The following BAZ2B variants were observed in gnomAD, a reference collection of about 807,000 sequenced individuals.
The protein encoded by BAZ2B is bromodomain adjacent to zinc finger domain 2B, also known as bromodomain adjacent to zinc finger domain protein 2B.
A neutral mutation model predicts 246.0 loss-of-function variants in BAZ2B; 91 were observed. The observed-to-expected ratio is 0.37, with a 90% CI of 0.31 to 0.44. The LOEUF (loss-of-function observed/expected upper bound fraction) is 0.44, where lower values mean the gene tolerates loss of function less well. Among genes scored for constraint, BAZ2B ranks in the 20% least tolerant of loss-of-function variants. The pLI, the probability that BAZ2B is intolerant of heterozygous loss-of-function variation, is 1.00. For missense variants in BAZ2B, 2,332 were observed against 2,533.7 expected (o/e 0.92, Z 1.71); for synonymous variants, 855 against 860.0 (o/e 0.99, Z 0.10).
chr2:159,588,806 C>T (rs1239883004), intron 1 of BAZ2B, among the ~76,000 whole-genome samples: 2 of 152,028 alleles, frequency 1.3e-5, no homozygotes, highest in South Asian at 2.1e-4. Flanking sequence ...AGAGAATGCT[C>T]GCCATGCATC....
chr2:159,468,174 T>C (rs1309822063), intron 3 of BAZ2B, among the ~76,000 whole-genome samples: 2 of 152,202 alleles, frequency 1.3e-5, no homozygotes, highest in Non-Finnish European at 2.9e-5. Context: ...ATAGCAGATC[T>C]GCTGGGTTTG....
chr2:159,682,919 C>A, the BAZ2B span, among the ~76,000 whole-genome samples: 1 of 131,660 alleles, frequency 7.6e-6, no homozygotes, highest in East Asian at 2.3e-4. Flanking sequence ...TCCCCCCCCC[C>A]ACACACACCT....
chr2:159,468,832 C>T (rs144368995), intron 3 of BAZ2B, among the ~76,000 whole-genome samples: 2,775 of 152,142 alleles, frequency 0.018, 36 homozygotes, highest in South Asian at 0.059. Flanking sequence ...TTCACAAGTT[C>T]AGGAGTTCAA....
chr2:159,395,754 G>A lies in BAZ2B; in HGVS notation c.3075+15C>T. The A allele has an allele frequency of 6.3e-7, 1 of 1,589,962 alleles. No individual in the cohort carries two copies. On this transcript the variant is annotated intron_variant, in intron 20 of 36. Transcript: ENST00000392783. The stretch of plus-strand genomic sequence containing the variant: ...TACTTTATAAGGTAATATTTTTCTA[G>A]AAACATACACTTACTTCTGCTTTTT...
intron 31 of BAZ2B, among the ~76,000 whole-genome samples, chr2:159,341,932 A>G (rs1428146545): frequency 2.0e-5 from 3 of 152,334 alleles, no homozygotes; most frequent in South Asian, 2.1e-4. Context: ...TATTTCAAGT[A>G]AACAATCTAG....
At chr2:159,579,386 A>T (rs911599462) in intron 1 of BAZ2B, among the ~76,000 whole-genome samples, 2 of 152,242 alleles carry the variant, frequency 1.3e-5, no homozygotes, top group African/African-American at 4.8e-5. Flanking sequence ...AAGAAGTTGA[A>T]TCCCTGAATA....
Position 159,570,997 on chromosome 2 carries a change from G to A in BAZ2B, c.-45-15132C>T, listed in dbSNP as rs150682531. ...GACTCCCAAGTAGCTGGGGTTACAG[G>A]TGCCTGCCACCATGCCTGGCTAATT... On this transcript the variant is annotated intron_variant, in intron 1 of 36. Transcript: ENST00000392783. 2.9e-3 allele frequency among the ~76,000 whole-genome samples: 436 copies of A among 152,198 alleles called. 2 individuals are homozygous for A. Among genetic ancestry groups the A allele is most frequent in the African/African-American group, 9.9e-3 (413 of 41,530 alleles).
chr2:159,404,795 A>C (rs1271037052), intron 16 of BAZ2B, 54 bp downstream of exon 16: 2 of 1,448,486 alleles, frequency 1.4e-6, no homozygotes, highest in African/African-American at 2.8e-5. Flanking sequence ...ATTACTAACA[A>C]ATCCTCAAAA....
At chr2:159,447,998 G>A (rs1224684499) in intron 5 of BAZ2B, among the ~76,000 whole-genome samples, 1 of 151,874 alleles carries the variant, frequency 6.6e-6, no homozygotes, top group African/African-American at 2.4e-5. Context: ...GGGCATAGTG[G>A]TACATGACTG....
intron 2 of BAZ2B, among the ~76,000 whole-genome samples, chr2:159,508,090 C>T (rs1386884706): frequency 6.6e-6 from 1 of 152,036 alleles, no homozygotes; most frequent in Non-Finnish European, 1.5e-5. Flanking sequence ...AGGCTGGTCT[C>T]GAACTCCTGG....
At chr2:159,539,603 G>A (rs2086412926) in intron 2 of BAZ2B, among the ~76,000 whole-genome samples, 1 of 152,202 alleles carries the variant, frequency 6.6e-6, no homozygotes, top group Non-Finnish European at 1.5e-5. Context: ...TAGCCATGGT[G>A]GCTCATGCCT....
chr2:159,424,385 T>A (rs972935634), intron 13 of BAZ2B, among the ~76,000 whole-genome samples: 1 of 152,230 alleles, frequency 6.6e-6, no homozygotes, highest in Non-Finnish European at 1.5e-5. Context: ...TAAATTATAC[T>A]ACTGGAAGGA....
intron 17 of BAZ2B, among the ~76,000 whole-genome samples, chr2:159,400,273 A>G (rs1457602546): frequency 1.3e-5 from 2 of 152,242 alleles, no homozygotes; most frequent in African/African-American, 4.8e-5. Context: ...CTAAAAGTAA[A>G]TATCAGACTA....
chr2:159,377,082 G>A (rs371459886), intron 25 of BAZ2B, among the ~76,000 whole-genome samples: 15 of 152,254 alleles, frequency 9.9e-5, no homozygotes, highest in African/African-American at 2.9e-4. Flanking sequence ...GAGGAGAAGA[G>A]GGAATTCTCT....
At position 159,432,829 on chromosome 2, in the gene BAZ2B, C is replaced by G. The variant is rs768551833; in HGVS notation, c.1828G>C (p.Asp610His). Reference sequence around the variant, plus strand: ...TCTTCTTCATCATCTTCCTCTTCATCCTCATTTGAATCTTCAGAATCTTTA... The same window carrying G: ...TCTTCTTCATCATCTTCCTCTTCATGCTCATTTGAATCTTCAGAATCTTTA... ...SSKDSEDSNE[D>H]EEEDDEEEDE... Residue 610 changes from aspartate (D) to histidine (H), a missense_variant, in exon 9 of 37, where the codon GAT (aspartate) becomes CAT (histidine). Around this residue, in one of 9 missense-constraint regions of BAZ2B, gnomAD observed 651 missense variants for 650.9 expected, o/e 1.00. Coordinates refer to ENST00000392783, the MANE Select transcript of BAZ2B (RefSeq NM_013450.4). 2 of 1,614,092 alleles carry G rather than the reference C, an allele frequency of 1.2e-6. No homozygotes were observed. Among genetic ancestry groups the G allele is most frequent in the Admixed American group, 1.7e-5 (1 of 60,014 alleles).
Position 159,349,830 on chromosome 2 carries a change from C to T in BAZ2B, c.4741G>A (p.Ala1581Thr). The change falls in exon 28 of 37, where the codon GCT (alanine) becomes ACT (threonine). Residue 1581 changes from alanine to threonine, a missense_variant. Transcript: ENST00000392783. The stretch of plus-strand genomic sequence containing the variant: ...TGAGACTGAGGAGTCACCAAAGAAG[C>T]AGTTGACATATCGGCATGAGTAAGT... ...TSLTHADMST[A>T]SLVTPQSQPP... 2 of 1,614,126 alleles carry T rather than the reference C, an allele frequency of 1.2e-6. No individual in the cohort carries two copies. The highest frequency in any genetic ancestry group is 1.1e-5 in the South Asian group (1 of 91,078).
intron 31 of BAZ2B, among the ~76,000 whole-genome samples, chr2:159,344,474 C>T (rs991636744): frequency 6.1e-5 from 9 of 148,490 alleles, no homozygotes; most frequent in Non-Finnish European, 1.0e-4. Flanking sequence ...GTGGAGGCTG[C>T]GGTGAGCTGA....
chr2:159,552,339 TGTAA>T (rs1382771454), intron 2 of BAZ2B, among the ~76,000 whole-genome samples: 1 of 152,164 alleles, frequency 6.6e-6, no homozygotes, highest in African/African-American at 2.4e-5. Flanking sequence ...GGCCACAATT[TGTAA>T]GTAAGGTAAA....
intron 2 of BAZ2B, among the ~76,000 whole-genome samples, chr2:159,511,237 C>T (rs537245555): frequency 6.6e-6 from 1 of 152,130 alleles, no homozygotes; most frequent in Admixed American, 6.5e-5. Flanking sequence ...GAGTTTTGCT[C>T]TTGTCACCCA....
Sources: gnomAD v4.1 joint callset for allele counts (sites outside exome capture counted in the v4.1 genomes callset) on GRCh38, gnomAD v4.1.1 for gene constraint, gnomAD v4.1.1 regional missense constraint, MANE v1.5 for transcripts, NCBI Gene and HGNC (gene_info 2026-07-23, HGNC 2026-07-21) for gene names.